The following CAMK2D variants were observed in gnomAD, a reference collection of about 807,000 sequenced individuals.
CAMK2D encodes calcium/calmodulin-dependent protein kinase type II subunit delta.
CAMK2D carries 37 observed loss-of-function variants against 84.0 expected under a neutral mutation model. That is an observed-to-expected ratio of 0.44 (90% CI 0.34 to 0.58). CAMK2D has a LOEUF of 0.58. CAMK2D is among the 20% of genes least tolerant of loss of function. The pLI is 0.02. For missense variants in CAMK2D, 448 were observed against 652.5 expected, an observed-to-expected ratio of 0.69 and a Z score of 3.41; for synonymous variants, 202 against 212.5, an observed-to-expected ratio of 0.95 and a Z score of 0.43.
intron 3 of CAMK2D, among the ~76,000 whole-genome samples, chr4:113,619,491 A>G (rs1168292238): frequency 6.6e-6 from 1 of 151,982 alleles, no homozygotes; most frequent in African/African-American, 2.4e-5. Flanking sequence ...CTCCACCCTC[A>G]TTATCCCCCT....
At chr4:113,723,842 C>T (rs571611485) in intron 2 of CAMK2D, among the ~76,000 whole-genome samples, 1 of 152,230 alleles carries the variant, frequency 6.6e-6, no homozygotes, top group East Asian at 1.9e-4. Flanking sequence ...ACTAAATTTA[C>T]AGGATTGTTA....
At chr4:113,473,533 T>C (rs1427635870) in intron 16 of CAMK2D, among the ~76,000 whole-genome samples, 2 of 152,230 alleles carry the variant, frequency 1.3e-5, no homozygotes, top group African/African-American at 2.4e-5. Flanking sequence ...AATTACTAAA[T>C]TTCTATTCAC....
At chr4:113,622,331 T>A (rs1201452814) in intron 3 of CAMK2D, among the ~76,000 whole-genome samples, 1 of 152,192 alleles carries the variant, frequency 6.6e-6, no homozygotes, top group African/African-American at 2.4e-5. Flanking sequence ...GATTAATTTT[T>A]ATACCAGTAA....
intron 8 of CAMK2D, among the ~76,000 whole-genome samples, chr4:113,521,761 C>A (rs959654126): frequency 5.9e-5 from 9 of 151,858 alleles, no homozygotes; most frequent in African/African-American, 2.2e-4. Flanking sequence ...TATTTAGAGT[C>A]CTTTTCTTTT....
At chr4:113,589,274 G>A (rs2098848062) in intron 4 of CAMK2D, among the ~76,000 whole-genome samples, 1 of 152,136 alleles carries the variant, frequency 6.6e-6, no homozygotes, top group Admixed American at 6.5e-5. Context: ...AGGAAAACTA[G>A]TTGGGACACT....
At chr4:113,744,546 A>C (rs1014277332) in intron 2 of CAMK2D, among the ~76,000 whole-genome samples, 6 of 152,164 alleles carry the variant, frequency 3.9e-5, no homozygotes, top group Non-Finnish European at 7.4e-5. Context: ...ATTAAAATGC[A>C]GTATTTCCCT....
chr4:113,567,407 A>C (rs928219395), intron 4 of CAMK2D, among the ~76,000 whole-genome samples: 8 of 151,994 alleles, frequency 5.3e-5, no homozygotes, highest in Admixed American at 2.6e-4. Context: ...ACCTCAGCTG[A>C]TCTGCCTGCC....
chr4:113,634,739 G>A (rs1336911922), intron 3 of CAMK2D, among the ~76,000 whole-genome samples: 1 of 152,060 alleles, frequency 6.6e-6, no homozygotes, highest in Non-Finnish European at 1.5e-5. Context: ...GACTTTATAG[G>A]TATTGGAGAA....
At chr4:113,490,733 A>T (rs1323235347) in intron 16 of CAMK2D, among the ~76,000 whole-genome samples, 20 of 149,244 alleles carry the variant, frequency 1.3e-4, no homozygotes, top group Non-Finnish European at 3.0e-5. Context: ...TACCTTGGGC[A>T]GTATGGTCAT....
chr4:113,499,330 G>A (rs1469670528), intron 16 of CAMK2D, among the ~76,000 whole-genome samples: 1 of 152,124 alleles, frequency 6.6e-6, no homozygotes, highest in Non-Finnish European at 1.5e-5. Flanking sequence ...ACCTCTAGCA[G>A]AGTTAGGTCA....
intron 3 of CAMK2D, among the ~76,000 whole-genome samples, chr4:113,646,462 G>A (rs2154298307): frequency 6.6e-6 from 1 of 152,330 alleles, no homozygotes; most frequent in Non-Finnish European, 1.5e-5. Context: ...GCTAGGGAGT[G>A]CTGGGTGGGG....
At chr4:113,564,648 C>T (rs1040825969) in intron 4 of CAMK2D, among the ~76,000 whole-genome samples, 1 of 152,124 alleles carries the variant, frequency 6.6e-6, no homozygotes, top group Non-Finnish European at 1.5e-5. Flanking sequence ...GACATATTAG[C>T]AGCTCAATCA....
At chr4:113,663,189 C>T (rs2099242142) in intron 2 of CAMK2D, among the ~76,000 whole-genome samples, 1 of 152,172 alleles carries the variant, frequency 6.6e-6, no homozygotes, top group African/African-American at 2.4e-5. Flanking sequence ...CAAGCTACTT[C>T]CAACTTATTT....
intron 16 of CAMK2D, among the ~76,000 whole-genome samples, chr4:113,490,624 G>A (rs184882705): frequency 3.3e-5 from 5 of 151,660 alleles, no homozygotes; most frequent in African/African-American, 9.7e-5. Flanking sequence ...TTGGCGATGC[G>A]GGCTCTGTTT....
At chr4:113,514,544 C>T (rs1364558670) in intron 10 of CAMK2D, among the ~76,000 whole-genome samples, 3 of 152,110 alleles carry the variant, frequency 2.0e-5, no homozygotes, top group Non-Finnish European at 4.4e-5. Flanking sequence ...ACATTTATCA[C>T]CTTAGCATTT....
intron 3 of CAMK2D, among the ~76,000 whole-genome samples, chr4:113,610,965 T>C (rs772318744): frequency 6.6e-6 from 1 of 152,018 alleles, no homozygotes; most frequent in Non-Finnish European, 1.5e-5. Flanking sequence ...TTTCATCAAA[T>C]TGTTTTTGAG....
At chr4:113,457,928 C>T (rs550517188) in intron 18 of CAMK2D, among the ~76,000 whole-genome samples, 196 of 152,238 alleles carry the variant, frequency 1.3e-3, no homozygotes, top group Middle Eastern at 6.8e-3. Flanking sequence ...CAAGCACTGC[C>T]CCTGTCTTTT....
chr4:113,501,335 T>C (rs563427999), intron 15 of CAMK2D, among the ~76,000 whole-genome samples: 2 of 149,230 alleles, frequency 1.3e-5, no homozygotes, highest in Non-Finnish European at 1.5e-5. Context: ...TCATTAATAA[T>C]GTATGAGTAA....
At chr4:113,645,360 T>C (rs556999337) in intron 3 of CAMK2D, among the ~76,000 whole-genome samples, 4 of 152,120 alleles carry the variant, frequency 2.6e-5, no homozygotes, top group Non-Finnish European at 4.4e-5. Context: ...AAATTCAGAT[T>C]TTAGTGTCCA....
Sources: allele counts gnomAD v4.1 joint callset (sites outside exome capture counted in the v4.1 genomes callset), GRCh38; gene constraint gnomAD v4.1.1; transcripts MANE v1.5; gene names NCBI Gene and HGNC (gene_info 2026-07-23, HGNC 2026-07-21).